Variants in RARB observed in about 807,000 individuals in gnomAD.
The protein encoded by RARB is HBV-activated protein.
RARB carries 17 observed loss-of-function variants against 51.9 expected under a neutral mutation model. That is an observed-to-expected ratio of 0.33 (90% CI 0.22 to 0.49). The LOEUF (loss-of-function observed/expected upper bound fraction) is 0.49, where lower values mean the gene tolerates loss of function less well. RARB is among the 20% of genes least tolerant of loss of function. RARB has a pLI of 0.99. For missense variants in RARB, 369 were observed against 550.8 expected (o/e 0.67, Z 3.30); for synonymous variants, 215 against 195.4 (o/e 1.10, Z -0.84).
chr3:25,052,220 C>G (rs1416348264), intron 2 of RARB, among the ~76,000 whole-genome samples: 1 of 152,134 alleles, frequency 6.6e-6, no homozygotes, highest in Non-Finnish European at 1.5e-5. Flanking sequence ...GCTTAAAGCC[C>G]TTATTATCAC....
chr3:25,140,483 C>A (rs1256526626), intron 4 of RARB, among the ~76,000 whole-genome samples: 2 of 152,146 alleles, frequency 1.3e-5, no homozygotes, highest in African/African-American at 4.8e-5. Flanking sequence ...GACTGGGTTG[C>A]TACGGTCTCA....
intron 5 of RARB, among the ~76,000 whole-genome samples, chr3:25,419,223 G>A (rs1466184655): frequency 1.3e-5 from 2 of 152,086 alleles, no homozygotes; most frequent in African/African-American, 4.8e-5. Flanking sequence ...ATACAGGGAG[G>A]GCATCTCTGA....
chr3:25,315,956 A>G (rs900308763), intron 5 of RARB, among the ~76,000 whole-genome samples: 2 of 152,066 alleles, frequency 1.3e-5, no homozygotes, highest in African/African-American at 4.8e-5. Flanking sequence ...TAGTTTTCAG[A>G]TCGTCTAAAA....
intron 3 of RARB, among the ~76,000 whole-genome samples, chr3:25,112,424 T>G (rs1424345800): frequency 7.2e-5 from 11 of 152,154 alleles, no homozygotes; most frequent in Non-Finnish European, 1.5e-5. Flanking sequence ...TTTCTTACAT[T>G]ATATATGTTT....
intron 2 of RARB, among the ~76,000 whole-genome samples, chr3:25,500,671 G>A (rs1216201077): frequency 6.6e-6 from 1 of 151,578 alleles, no homozygotes; most frequent in African/African-American, 2.4e-5. Context: ...TAGAGACAGG[G>A]TTTCACCATG....
intron 1 of RARB, among the ~76,000 whole-genome samples, chr3:24,851,367 G>A (rs1045194756): frequency 6.6e-6 from 1 of 151,622 alleles, no homozygotes; most frequent in African/African-American, 2.4e-5. Flanking sequence ...AGTCAAGGCT[G>A]CAGTGAGCTG....
At position 25,501,237 on chromosome 3, in the gene RARB, A is replaced by T; in HGVS notation, c.362A>T (p.Lys121Met). The change falls in exon 3 of 8, where the codon AAG (lysine) becomes ATG (methionine). Residue 121 changes from lysine to methionine, a missense_variant. By Grantham distance (95) the Lys-to-Met change is moderately conservative. Around this residue, in one of 9 missense-constraint regions of RARB, gnomAD observed 26 missense variants for 28.8 expected, o/e 0.90. Coordinates refer to ENST00000330688, the MANE Select transcript of RARB (RefSeq NM_000965.5). ...ATGATTTACACTTGTCACCGAGATAAGAACTGTGTTATTAATAAAGTCACC... is the reference window on the plus strand; with the variant it reads ...ATGATTTACACTTGTCACCGAGATATGAACTGTGTTATTAATAAAGTCACC... The part of the protein sequence containing the change: ...KNMIYTCHRD[K>M]NCVINKVTRN... 1 of 1,610,632 alleles carries T rather than the reference A, an allele frequency of 6.2e-7. No homozygotes were observed. The highest frequency in any genetic ancestry group is 1.7e-4 in the Middle Eastern group (1 of 6,058).
intron 1 of RARB, among the ~76,000 whole-genome samples, chr3:24,855,840 G>A (rs974938622): frequency 2.7e-5 from 4 of 147,342 alleles, no homozygotes; most frequent in African/African-American, 7.6e-5. Context: ...CAAGCTCCGC[G>A]TCCCGGGTTC....
rs115711854 is a variant in RARB, at chr3:25,042,802, G to A, written c.-379-17323G>A. Among the ~76,000 whole-genome samples, 427 of 152,216 alleles carry A rather than the reference G, an allele frequency of 2.8e-3. 2 individuals are homozygous for A. The highest frequency in any genetic ancestry group is 0.01 in the African/African-American group (421 of 41,534). ...ATAAGTTTTTCAATTCTTTTAAGTT[G>A]AACTTATCCTTCATAACTGAAACTT... is the stretch of plus-strand genomic sequence containing the variant. On this transcript the variant is annotated intron_variant, in intron 2 of 11. Transcript: ENST00000383772.
intron 5 of RARB, among the ~76,000 whole-genome samples, chr3:25,343,258 G>A (rs1705287423): frequency 1.3e-5 from 2 of 152,168 alleles, no homozygotes; most frequent in South Asian, 4.1e-4. Flanking sequence ...AATCTTGGAG[G>A]TAAGAACCAT....
chr3:25,152,572 T>C (rs547943497), intron 4 of RARB, among the ~76,000 whole-genome samples: 1 of 152,298 alleles, frequency 6.6e-6, no homozygotes, highest in Admixed American at 6.5e-5. Context: ...CCATGAAACA[T>C]ACATATATTG....
chr3:25,483,977 A>G (rs1696352271), intron 2 of RARB, among the ~76,000 whole-genome samples: 1 of 152,226 alleles, frequency 6.6e-6, no homozygotes, highest in African/African-American at 2.4e-5. Flanking sequence ...TGTTAATTCA[A>G]TTGCAGATGG....
intron 4 of RARB, among the ~76,000 whole-genome samples, chr3:25,162,331 A>C (rs571845501): frequency 1.6e-4 from 24 of 152,046 alleles, no homozygotes; most frequent in African/African-American, 5.6e-4. Context: ...CTGGTTTCAA[A>C]CTCCTGGTCT....
chr3:25,525,961 A>G (rs1411561423), intron 3 of RARB, among the ~76,000 whole-genome samples: 1 of 152,170 alleles, frequency 6.6e-6, no homozygotes, highest in Non-Finnish European at 1.5e-5. Context: ...AACAAAACAG[A>G]CACAGTCATG....
At chr3:25,093,349 C>T (rs889312804) in intron 3 of RARB, among the ~76,000 whole-genome samples, 1 of 152,130 alleles carries the variant, frequency 6.6e-6, no homozygotes, top group Admixed American at 6.6e-5. Flanking sequence ...AAAACTATAA[C>T]AGTGAGAAAA....
chr3:25,266,975 C>CACCAACTTGGA, intron 5 of RARB, among the ~76,000 whole-genome samples: 1 of 152,342 alleles, frequency 6.6e-6, no homozygotes, highest in East Asian at 1.9e-4. Flanking sequence ...CTAACACAAT[C>CACCAACTTGGA]ACCAACTTGG....
chr3:25,263,793 T>A (rs1328324936), intron 5 of RARB, among the ~76,000 whole-genome samples: 1 of 152,198 alleles, frequency 6.6e-6, no homozygotes, highest in Non-Finnish European at 1.5e-5. Flanking sequence ...ACATTAAATC[T>A]GCAGTTGCTT....
intron 4 of RARB, among the ~76,000 whole-genome samples, chr3:25,171,352 C>G (rs745663413): frequency 2.6e-5 from 4 of 151,164 alleles, no homozygotes; most frequent in Non-Finnish European, 5.9e-5. Flanking sequence ...CAGGAATAGC[C>G]TTAATCAGTC....
chr3:25,410,522 A>G (rs539795618), intron 5 of RARB, among the ~76,000 whole-genome samples: 2 of 152,288 alleles, frequency 1.3e-5, no homozygotes, highest in South Asian at 4.1e-4. Context: ...GAGCCTAGTG[A>G]CATCTGTGTT....
Sources: allele counts gnomAD v4.1 joint callset (sites outside exome capture counted in the v4.1 genomes callset), GRCh38; gene constraint gnomAD v4.1.1; regional missense constraint gnomAD v4.1.1; transcripts MANE v1.5; gene names NCBI Gene and HGNC (gene_info 2026-07-23, HGNC 2026-07-21).